Variants in NOA1 observed in about 807,000 individuals in gnomAD.
NOA1 encodes nitric oxide-associated protein 1.
NOA1 carries 35 observed loss-of-function variants against 58.4 expected under a neutral mutation model. The ratio of observed to expected loss-of-function variants is 0.60; its 90% CI spans 0.46 to 0.79. The LOEUF is 0.79. Among genes scored for constraint, NOA1 ranks in the 30% least tolerant of loss-of-function variants. The pLI, the probability that NOA1 is intolerant of heterozygous loss-of-function variation, is 0.00. For synonymous variants in NOA1, 397 were observed against 373.4 expected (o/e 1.06, Z -0.73); for missense variants, 895 against 894.6 (o/e 1.00, Z -0.01).
At chr4:56,967,579 C>T (rs1045576485) in intron 4 of NOA1, among the ~76,000 whole-genome samples, 2 of 151,670 alleles carry the variant, frequency 1.3e-5, no homozygotes, top group African/African-American at 2.4e-5. Context: ...TATCCATATC[C>T]ATGTTTCATT....
In NOA1 at chr4:56,977,581, A is replaced by G. The variant is rs774738644; in HGVS notation, c.5T>C (p.Leu2Pro). 1 of 1,576,804 alleles carries G rather than the reference A, an allele frequency of 6.3e-7. No individual in the cohort carries two copies. Among genetic ancestry groups the G allele is most frequent in the East Asian group, 2.3e-5 (1 of 43,040 alleles). Residue 2 changes from leucine (L) to proline (P), a missense_variant, in exon 1 of 7, where the codon CTG (leucine) becomes CCG (proline). By Grantham distance (98) the Leu-to-Pro change is moderately conservative (BLOSUM62 -3). Coordinates refer to ENST00000264230, the MANE Select transcript of NOA1 (RefSeq NM_032313.4). ...CAGCCTGAACGGTAGGCGAGCGGGC[A>G]GCATGAGGAAGTAGCTCCAAAGGGG... MLPARLPFRLLS... is the reference protein window; with the variant it reads MPPARLPFRLLS...
intron 1 of NOA1, 68 bp from the exon 2 acceptor site, chr4:56,974,090 G>GACTACCGA: frequency 2.5e-6 from 2 of 812,218 alleles, no homozygotes; most frequent in Non-Finnish European, 1.7e-6. Context: ...ACATTTTTGA[G>GACTACCGA]GATCTACACT....
intron 1 of NOA1, among the ~76,000 whole-genome samples, chr4:56,974,669 T>C (rs1578542139): frequency 1.3e-5 from 2 of 150,336 alleles, no homozygotes; most frequent in Admixed American, 6.6e-5. Flanking sequence ...AAAAAAAAAA[T>C]TTAAACCATA....
Position 56,966,382 on chromosome 4 carries a change from G to A in NOA1, c.1764+238C>T, listed in dbSNP as rs894177195. ...TAAACTTAGCCACATGTGGGCTAAT[G>A]GCTACCAAATTGGACAGTGTAGTCT... On this transcript the variant is annotated intron_variant, in intron 5 of 6. Transcript: ENST00000264230. 3.9e-5 allele frequency among the ~76,000 whole-genome samples: 6 copies of A among 152,120 alleles called. 1 individual carries two copies. Among genetic ancestry groups the A allele is most frequent in the Non-Finnish European group, 7.3e-5 (5 of 68,042 alleles).
intron 2 of NOA1, 82 bp from the exon 3 acceptor site, chr4:56,973,435 A>G: frequency 1.7e-6 from 2 of 1,182,750 alleles, no homozygotes; most frequent in Non-Finnish European, 1.3e-6. Flanking sequence ...TCCCTCAAAC[A>G]AGTTACTAAG....
In NOA1 at chr4:56,977,084, C is replaced by A; in HGVS notation, c.502G>T (p.Ala168Ser). Residue 168 changes from alanine to serine, a missense_variant, in exon 1 of 7, where the codon GCG becomes TCG. By Grantham distance (99) the Ala-to-Ser change is moderately conservative. Around this residue, in one of 3 missense-constraint regions of NOA1, gnomAD observed 680 missense variants for 656.5 expected, o/e 1.04. Transcript: ENST00000264230. ...CGTGCCAGCCCGCCGTCTGCCTCCG[C>A]CGTGCGGAGGAACTTCTCTCGGGGC... is the stretch of plus-strand genomic sequence containing the variant. ...YLPREKFLRT[A>S]EADGGLARTV... 6.4e-7 allele frequency: 1 copy of A among 1,571,168 alleles called. No homozygotes were observed. Among genetic ancestry groups the A allele is most frequent in the Non-Finnish European group, 8.6e-7 (1 of 1,162,470 alleles).
Position 56,963,649 on chromosome 4 carries a change from A to G in NOA1, c.1898T>C (p.Val633Ala). 6.2e-7 allele frequency: 1 copy of G among 1,614,080 alleles called. No individual in the cohort carries two copies. The change falls in exon 7 of 7, where the codon GTA (valine) becomes GCA (alanine). Residue 633 changes from valine to alanine, a missense_variant. Physicochemically the swap from Val to Ala is moderately conservative, Grantham distance 64 (BLOSUM62 0). Coordinates refer to ENST00000264230, the MANE Select transcript of NOA1 (RefSeq NM_032313.4). ...IKFSSAGWVS[V>A]TPNFKDRLHL... ...CAGTCTGTCCTTAAAATTAGGTGTT[A>G]CTGAAACCCAACCTATGCAGGCATG...
intron 2 of NOA1, 147 bp downstream of exon 2, chr4:56,973,711 T>A: frequency 1.3e-6 from 1 of 765,116 alleles, no homozygotes. Flanking sequence ...ACAGTAGCCT[T>A]ATCGCTAAAG....
chr4:56,963,562 T>A lies in NOA1; in HGVS notation c.1985A>T (p.Tyr662Phe), dbSNP rs1320123537. The A allele has an allele frequency of 6.2e-7, 1 of 1,614,062 alleles. No homozygotes were observed. The highest frequency in any genetic ancestry group is 8.5e-7 in the Non-Finnish European group (1 of 1,179,990). The part of the protein sequence containing the change: ...VLTVRPPLLP[Y>F]IVNIKGQRIK... The stretch of plus-strand genomic sequence containing the variant: ...GCGCTGTCCTTTGATGTTAACAATA[T>A]ATGGCAAGAGAGGGGGCCGGACGGT... The change falls in exon 7 of 7, where the codon TAT becomes TTT. Residue 662 changes from tyrosine (Y) to phenylalanine (F), a missense_variant. Around this residue, in one of 3 missense-constraint regions of NOA1, gnomAD observed 212 missense variants for 221.3 expected, o/e 0.96. Transcript: ENST00000264230.
At chr4:56,976,411 A>G in intron 1 of NOA1, 31 bp downstream of exon 1, 1 of 1,583,700 alleles carries the variant, frequency 6.3e-7, no homozygotes, top group Non-Finnish European at 8.6e-7. Flanking sequence ...CCTTGCCAGG[A>G]AACGAAGAGG....
At chr4:56,968,074 C>T (rs747382379) in intron 4 of NOA1, among the ~76,000 whole-genome samples, 3 of 151,844 alleles carry the variant, frequency 2.0e-5, no homozygotes, top group Non-Finnish European at 2.9e-5. Flanking sequence ...TGTGCCACCA[C>T]GCCCAGCTAA....
At chr4:56,974,080 A>AACAACAACCAC in intron 1 of NOA1, 58 bp from the exon 2 acceptor site, 2 of 1,073,878 alleles carry the variant, frequency 1.9e-6, no homozygotes, top group Non-Finnish European at 2.5e-6. Context: ...AAGAAAATGA[A>AACAACAACCAC]CATTTTTGAG....
Position 56,963,405 on chromosome 4 carries a change from T to G in NOA1, c.*45A>C. 7.2e-7 allele frequency: 1 copy of G among 1,388,790 alleles called. No individual in the cohort carries two copies. 86.0% of individuals were successfully genotyped at this position (1,388,790 alleles called of 1,614,324 possible). A position where few individuals can be genotyped will look rare whatever the true frequency, so the allele number is the denominator to read the frequency against. On this transcript the variant is annotated 3_prime_UTR_variant, in exon 7 of 7. Coordinates refer to ENST00000264230, the MANE Select transcript of NOA1 (RefSeq NM_032313.4). ...TGTTTAATACAAATTCAATGTATTT[T>G]GTTGTGTTCAATACAGTTAATATCT...
intron 5 of NOA1, 129 bp from the exon 6 acceptor site, chr4:56,964,655 GA>G (rs1721665596): frequency 9.5e-7 from 1 of 1,058,114 alleles, no homozygotes; most frequent in African/African-American, 1.6e-5. Flanking sequence ...TTCAACTGTT[GA>G]AAAGAACTTG....
At chr4:56,966,314 C>T (rs1721709085) in intron 5 of NOA1, among the ~76,000 whole-genome samples, 1 of 152,116 alleles carries the variant, frequency 6.6e-6, no homozygotes, top group Non-Finnish European at 1.5e-5. Flanking sequence ...CGTGAGCCAC[C>T]ACACCTGGCC....
intron 1 of NOA1, among the ~76,000 whole-genome samples, chr4:56,974,952 C>A (rs1038031272): frequency 2.1e-4 from 32 of 152,164 alleles, no homozygotes; most frequent in African/African-American, 6.3e-4. Flanking sequence ...ATCTGCCCAC[C>A]TTGGCCTCCC....
In NOA1 at chr4:56,976,927, A is replaced by C; in HGVS notation, c.659T>G (p.Met220Arg). Reference protein sequence around the residue: ...RRPGPSLVLYMVDLLDLPDAL... With the variant: ...RRPGPSLVLYRVDLLDLPDAL... ...GTCGGGCAGGTCCAGCAGGTCCACC[A>C]TGTAGAGCACCAGGGAGGGGCCGGG... Residue 220 changes from methionine to arginine, a missense_variant, in exon 1 of 7, where the codon ATG becomes AGG. Met to Arg is a moderately conservative substitution (Grantham distance 91, BLOSUM62 -1). Transcript: ENST00000264230. 6.2e-7 allele frequency: 1 copy of C among 1,610,052 alleles called. No individual in the cohort carries two copies. Among genetic ancestry groups the C allele is most frequent in the Non-Finnish European group, 8.5e-7 (1 of 1,179,434 alleles).
chr4:56,967,576 ATCCATG>A (rs376485534), intron 4 of NOA1, among the ~76,000 whole-genome samples: 173 of 152,230 alleles, frequency 1.1e-3, no homozygotes, highest in African/African-American at 3.9e-3. Context: ...ACATATCCAT[ATCCATG>A]TTTCATTTTC....
chr4:56,967,384 A>C (rs955280408), intron 4 of NOA1, among the ~76,000 whole-genome samples: 7 of 150,514 alleles, frequency 4.7e-5, no homozygotes, highest in East Asian at 1.9e-4. Flanking sequence ...TGTTTCAAAA[A>C]AAAAAAACAA....
Sources: gnomAD v4.1 joint callset for allele counts (sites outside exome capture counted in the v4.1 genomes callset) on GRCh38, gnomAD v4.1.1 for gene constraint, gnomAD v4.1.1 regional missense constraint, MANE v1.5 for transcripts, NCBI Gene and HGNC (gene_info 2026-07-23, HGNC 2026-07-21) for gene names.